DIAPH2: variants seen among roughly 807,000 people sequenced by gnomAD.
DIAPH2 encodes the protein protein diaphanous homolog 2.
Under a neutral mutation model 92.7 loss-of-function variants are expected in DIAPH2, and 35 were observed. That is an observed-to-expected ratio of 0.38 (90% confidence interval 0.29 to 0.50). The LOEUF (loss-of-function observed/expected upper bound fraction) is 0.50. DIAPH2 is among the 20% of genes least tolerant of loss of function. The pLI, the probability that DIAPH2 is intolerant of heterozygous loss-of-function variation, is 0.94. For missense variants in DIAPH2, 701 were observed against 819.5 expected, an observed-to-expected ratio of 0.86 and a Z score of 1.77; for synonymous variants, 301 against 280.4, an observed-to-expected ratio of 1.07 and a Z score of -0.73.
intron 21 of DIAPH2, among the ~76,000 whole-genome samples, chrX:97,115,863 A>T (rs981852225): frequency 8.9e-6 from 1 of 111,796 alleles, no homozygotes; most frequent in Non-Finnish European, 1.9e-5. Flanking sequence ...GTGCTTGTAT[A>T]TGTCCATTTT....
intron 23 of DIAPH2, among the ~76,000 whole-genome samples, chrX:97,303,863 GCA>G (rs1464869637): frequency 1.8e-5 from 2 of 111,232 alleles, no homozygotes; most frequent in Non-Finnish European, 3.8e-5. Context: ...CTCAAGTATG[GCA>G]CACAGTTTGG....
intron 22 of DIAPH2, among the ~76,000 whole-genome samples, chrX:97,169,271 T>C (rs2067434553): frequency 9.0e-6 from 1 of 111,550 alleles, no homozygotes; most frequent in Admixed American, 9.6e-5. Context: ...AGAGGAAGCG[T>C]ATTAGGAGAT....
At chrX:97,457,869 C>G (rs919808920) in intron 26 of DIAPH2, among the ~76,000 whole-genome samples, 1 of 111,759 alleles carries the variant, frequency 8.9e-6, no homozygotes, top group African/African-American at 3.3e-5. Flanking sequence ...GGGAACGAGC[C>G]CTTATCAGAT....
At chrX:96,871,547 T>G (rs372565568) in intron 4 of DIAPH2, among the ~76,000 whole-genome samples, 10 of 108,185 alleles carry the variant, frequency 9.2e-5, no homozygotes, top group African/African-American at 3.0e-4. Flanking sequence ...AAATGCAGTG[T>G]AATTCCAAAA....
intron 14 of DIAPH2, among the ~76,000 whole-genome samples, chrX:96,946,182 T>A (rs1375611603): frequency 8.9e-6 from 1 of 112,017 alleles, no homozygotes; most frequent in Non-Finnish European, 1.9e-5. Flanking sequence ...TGCCTTTGAG[T>A]AAATGCCAGC....
chrX:96,882,973 AAAAAAAAAAACAAAAAAAC>A (rs1437436766), intron 5 of DIAPH2, among the ~76,000 whole-genome samples: 12 of 53,556 alleles, frequency 2.2e-4, no homozygotes, highest in South Asian at 1.1e-3. Flanking sequence ...AAAAAAAAAA[AAAAAAAAAAACAAAAAAAC>A]AAAAATCCGG....
intron 26 of DIAPH2, among the ~76,000 whole-genome samples, chrX:97,479,745 A>AT (rs199976821): frequency 0.029 from 3,092 of 106,769 alleles, 43 homozygotes; most frequent in Middle Eastern, 0.076. Context: ...GTAGGAGCCA[A>AT]TTTTTTTTTT....
intron 22 of DIAPH2, among the ~76,000 whole-genome samples, chrX:97,244,728 TGTTCA>T (rs1401475649): frequency 5.4e-5 from 6 of 111,922 alleles, no homozygotes; most frequent in African/African-American, 1.9e-4. Context: ...AAGACCTATT[TGTTCA>T]GATTTCTATG....
chrX:96,734,556 T>C (rs1352060359), intron 1 of DIAPH2, among the ~76,000 whole-genome samples: 4 of 111,789 alleles, frequency 3.6e-5, no homozygotes, highest in African/African-American at 1.3e-4. Context: ...AGTTCTGATA[T>C]AAATAATTCC....
intron 4 of DIAPH2, among the ~76,000 whole-genome samples, chrX:96,808,530 C>A (rs1235732156): frequency 9.0e-6 from 1 of 111,479 alleles, no homozygotes; most frequent in East Asian, 2.8e-4. Flanking sequence ...CATGGTAATG[C>A]TCAATTGTCC....
At chrX:97,226,603 G>T (rs773882793) in intron 22 of DIAPH2, among the ~76,000 whole-genome samples, 1 of 110,741 alleles carries the variant, frequency 9.0e-6, no homozygotes, top group Admixed American at 9.7e-5. Flanking sequence ...TTGAACTCCT[G>T]ACCTCAGGTG....
chrX:97,330,723 G>A (rs1201499268), intron 23 of DIAPH2, among the ~76,000 whole-genome samples: 1 of 110,909 alleles, frequency 9.0e-6, no homozygotes, highest in Non-Finnish European at 1.9e-5. Flanking sequence ...ATGTTGGTCA[G>A]GATGGTCTTG....
Position 97,530,118 on chromosome X carries a change from C to T in DIAPH2, c.3242-69135C>T, listed in dbSNP as rs5921845. 3.9e-3 allele frequency among the ~76,000 whole-genome samples: 437 copies of T among 112,057 alleles called. 2 individuals carry two copies. Among genetic ancestry groups the T allele is most frequent in the Middle Eastern group, 0.018 (4 of 218 alleles). The stretch of plus-strand genomic sequence containing the variant: ...TTATAGGCTTAGAGAGAGAGGAAAA[C>T]ATTGAGGGCTGTCAAGGCAGTCAGT... On this transcript the variant is annotated intron_variant, in intron 26 of 26. Coordinates refer to ENST00000324765, the MANE Select transcript of DIAPH2 (RefSeq NM_006729.5).
chrX:97,490,701 T>C, intron 26 of DIAPH2, among the ~76,000 whole-genome samples: 1 of 111,284 alleles, frequency 9.0e-6, no homozygotes, highest in Admixed American at 9.6e-5. Flanking sequence ...CATTTCCACA[T>C]ATTTGTAAAT....
intron 4 of DIAPH2, among the ~76,000 whole-genome samples, chrX:96,872,392 A>G (rs764841099): frequency 1.8e-5 from 2 of 110,788 alleles, no homozygotes; most frequent in African/African-American, 3.3e-5. Context: ...ACTTAACCTA[A>G]TGTCCTTCAG....
intron 21 of DIAPH2, among the ~76,000 whole-genome samples, chrX:97,137,873 A>T (rs1318199236): frequency 8.9e-6 from 1 of 112,104 alleles, no homozygotes; most frequent in African/African-American, 3.2e-5. Flanking sequence ...TACCATTGAG[A>T]AATTAAACAT....
intron 23 of DIAPH2, among the ~76,000 whole-genome samples, chrX:97,330,591 C>A (rs1441909247): frequency 9.2e-6 from 1 of 108,552 alleles, no homozygotes; most frequent in African/African-American, 3.4e-5. Flanking sequence ...TGGCTCACTG[C>A]AACATCTGCC....
At chrX:97,358,846 A>G (rs150119182) in intron 24 of DIAPH2, among the ~76,000 whole-genome samples, 1,865 of 112,046 alleles carry the variant, frequency 0.017, 40 homozygotes, top group African/African-American at 0.057. Flanking sequence ...GCATTTTCCT[A>G]TGCATGTACA....
At chrX:97,056,123 T>G (rs1022123140) in intron 17 of DIAPH2, among the ~76,000 whole-genome samples, 21 of 111,649 alleles carry the variant, frequency 1.9e-4, no homozygotes, top group African/African-American at 6.5e-4. Context: ...CTTTAAAAGG[T>G]TTTAATGTGG....
Sources: allele counts gnomAD v4.1 joint callset (sites outside exome capture counted in the v4.1 genomes callset), GRCh38; gene constraint gnomAD v4.1.1; transcripts MANE v1.5; gene names NCBI Gene and HGNC (gene_info 2026-07-23, HGNC 2026-07-21).